The following CHRM2 variants were observed in gnomAD, a reference collection of about 807,000 sequenced individuals.
CHRM2 encodes cholinergic receptor muscarinic 2, also known as muscarinic acetylcholine receptor M2.
In CHRM2, 8 loss-of-function variants were observed where a neutral mutation model predicts 25.0. The ratio of observed to expected loss-of-function variants is 0.32; its 90% CI spans 0.19 to 0.58. The LOEUF (loss-of-function observed/expected upper bound fraction) is 0.58, where lower values mean the gene tolerates loss of function less well. CHRM2 is among the 20% of genes least tolerant of loss of function. The pLI is 0.88. For synonymous variants in CHRM2, 202 were observed against 205.7 expected (o/e 0.98, Z 0.15); for missense variants, 440 against 567.1 (o/e 0.78, Z 2.28).
intron 2 of CHRM2, among the ~76,000 whole-genome samples, chr7:136,968,194 C>A (rs1042458241): frequency 6.6e-6 from 1 of 151,986 alleles, no homozygotes; most frequent in African/African-American, 2.4e-5. Flanking sequence ...TTCCTCCTAA[C>A]TGGAAATTTG....
At chr7:136,973,964 T>C (rs138544753) in intron 2 of CHRM2, among the ~76,000 whole-genome samples, 2 of 152,296 alleles carry the variant, frequency 1.3e-5, no homozygotes, top group African/African-American at 4.8e-5. Flanking sequence ...TTCTTAAGAA[T>C]GGATAATAGT....
At chr7:136,895,808 C>A (rs1269770857) in intron 2 of CHRM2, among the ~76,000 whole-genome samples, 1 of 152,084 alleles carries the variant, frequency 6.6e-6, no homozygotes, top group Non-Finnish European at 1.5e-5. Flanking sequence ...AAATACAAAG[C>A]TCGGCTTCTA....
At chr7:136,880,366 G>T (rs1364493) in intron 2 of CHRM2, among the ~76,000 whole-genome samples, 12,687 of 151,700 alleles carry the variant, frequency 0.084, 585 homozygotes, top group East Asian at 0.1. Context: ...ACCAAATATT[G>T]GTCAGATTTG....
At chr7:136,948,011 G>T (rs1800170052) in intron 2 of CHRM2, among the ~76,000 whole-genome samples, 1 of 152,136 alleles carries the variant, frequency 6.6e-6, no homozygotes, top group African/African-American at 2.4e-5. Flanking sequence ...GTGGGGCTGG[G>T]ATCTTCTCTT....
chr7:136,985,504 C>CAAAAAAAAAAAAAAAAAAAAAA (rs974105875), intron 2 of CHRM2, among the ~76,000 whole-genome samples: 4 of 59,758 alleles, frequency 6.7e-5, no homozygotes, highest in African/African-American at 1.5e-4. Context: ...AGTTAGACTC[C>CAAAAAAAAAAAAAAAAAAAAAA]AAAAAAAAAA....
At chr7:136,928,103 T>C (rs1296394366) in intron 2 of CHRM2, among the ~76,000 whole-genome samples, 1 of 152,094 alleles carries the variant, frequency 6.6e-6, no homozygotes, top group Non-Finnish European at 1.5e-5. Context: ...ATTAAATGTA[T>C]AAGAACATTA....
intron 2 of CHRM2, among the ~76,000 whole-genome samples, chr7:136,872,654 C>T (rs1795886657): frequency 6.6e-6 from 1 of 152,142 alleles, no homozygotes; most frequent in Admixed American, 6.6e-5. Context: ...GCACAAAAAG[C>T]ATGAATGACA....
At position 137,015,444 on chromosome 7, in the gene CHRM2, A is replaced by C. The variant is rs746491894; in HGVS notation, c.579A>C (p.Ala193=). The change falls in exon 4 of 4, where the codon GCA becomes GCC. Residue 193 remains alanine, a synonymous_variant. Coordinates refer to ENST00000680005, the MANE Select transcript of CHRM2 (RefSeq NM_001006630.2). The surrounding 1 kb of genome is among the most constrained non-coding windows in gnomAD (Gnocchi z 5.1). ...NAAVTFGTAI[A]AFYLPVIIMT... ...CTGTCACCTTTGGTACGGCTATTGC[A>C]GCCTTCTATTTGCCAGTGATCATCA... The C allele has an allele frequency of 8.1e-6, 13 of 1,613,264 alleles. No individual in the cohort carries two copies. Among genetic ancestry groups the C allele is most frequent in the Non-Finnish European group, 1.0e-5 (12 of 1,179,646 alleles).
chr7:136,968,755 A>G (rs1002567455), intron 2 of CHRM2, among the ~76,000 whole-genome samples: 1 of 146,908 alleles, frequency 6.8e-6, no homozygotes, highest in African/African-American at 2.5e-5. Flanking sequence ...CAGACAATAA[A>G]TCACTATCTA....
At chr7:136,977,994 A>G (rs2113545) in intron 2 of CHRM2, among the ~76,000 whole-genome samples, 89,589 of 151,874 alleles carry the variant, frequency 0.59, 27,863 homozygotes, top group Non-Finnish European at 0.69. Flanking sequence ...TTTACTGCAT[A>G]GAGAGCCCTT....
At chr7:136,919,661 C>T (rs1245294866) in intron 2 of CHRM2, among the ~76,000 whole-genome samples, 1 of 152,054 alleles carries the variant, frequency 6.6e-6, no homozygotes, top group African/African-American at 2.4e-5. Flanking sequence ...ATGTATAGTT[C>T]CCCCAATGTA....
chr7:136,881,084 C>T (rs1475467876), intron 2 of CHRM2, among the ~76,000 whole-genome samples: 2 of 149,262 alleles, frequency 1.3e-5, no homozygotes, highest in Non-Finnish European at 3.0e-5. Context: ...TAGCGTCATA[C>T]GAAGTATTTC....
At chr7:136,965,765 T>C (rs1210552733) in intron 2 of CHRM2, among the ~76,000 whole-genome samples, 2 of 152,008 alleles carry the variant, frequency 1.3e-5, no homozygotes, top group Admixed American at 6.6e-5. Flanking sequence ...GATGCATTCA[T>C]GTATTAAAGA....
At chr7:137,003,089 G>A (rs117420013) in intron 3 of CHRM2, among the ~76,000 whole-genome samples, 3 of 152,222 alleles carry the variant, frequency 2.0e-5, no homozygotes, top group East Asian at 1.9e-4. Context: ...TGTCTACTGC[G>A]TTCACAGATG....
intron 2 of CHRM2, among the ~76,000 whole-genome samples, chr7:136,893,173 A>T (rs7458912): frequency 0.26 from 39,731 of 151,844 alleles, 5,718 homozygotes; most frequent in Non-Finnish European, 0.32. Flanking sequence ...GCTCCTTTCC[A>T]CACTACCCGC....
At chr7:136,876,274 G>T (rs888363555) in intron 2 of CHRM2, among the ~76,000 whole-genome samples, 1 of 152,124 alleles carries the variant, frequency 6.6e-6, no homozygotes, top group African/African-American at 2.4e-5. Flanking sequence ...AGGCAACTTG[G>T]ATGGTTTTAT....
chr7:137,012,964 G>GTCTGGA (rs1804922157), intron 3 of CHRM2, among the ~76,000 whole-genome samples: 1 of 151,928 alleles, frequency 6.6e-6, no homozygotes, highest in Non-Finnish European at 1.5e-5. Context: ...GTTTTTCACT[G>GTCTGGA]TCTGGATTTG....
intron 2 of CHRM2, among the ~76,000 whole-genome samples, chr7:136,945,409 C>T (rs1181973268): frequency 2.6e-5 from 4 of 151,952 alleles, no homozygotes; most frequent in Admixed American, 6.6e-5. Context: ...TTTTAGTGTA[C>T]GGTGAGAGAT....
chr7:136,951,863 C>CTA (rs1488353244), intron 2 of CHRM2, among the ~76,000 whole-genome samples: 5 of 152,248 alleles, frequency 3.3e-5, no homozygotes, highest in African/African-American at 1.2e-4. Flanking sequence ...TTTCCTCCTG[C>CTA]TATAGGTTTT....
Sources: allele counts gnomAD v4.1 joint callset (sites outside exome capture counted in the v4.1 genomes callset), GRCh38; gene constraint gnomAD v4.1.1; non-coding constraint Gnocchi (gnomAD v3.1); transcripts MANE v1.5; gene names NCBI Gene and HGNC (gene_info 2026-07-23, HGNC 2026-07-21).